The following RPL34 variants were observed in gnomAD, a reference collection of about 807,000 sequenced individuals.
The protein encoded by RPL34 is ribosomal protein L34, also known as large ribosomal subunit protein eL34.
A neutral mutation model predicts 16.3 loss-of-function variants in RPL34; 2 were observed. The ratio of observed to expected loss-of-function variants is 0.12; its 90% CI spans 0.05 to 0.39. RPL34 has a LOEUF of 0.39. Ranked by LOEUF, RPL34 falls within the 10% of genes least tolerant of loss-of-function variation. The pLI, the probability that RPL34 is intolerant of heterozygous loss-of-function variation, is 0.99. For missense variants in RPL34, 82 were observed against 148.8 expected (o/e 0.55, Z 2.33); for synonymous variants, 47 against 48.5 (o/e 0.97, Z 0.13).
chr4:108,622,163 C>G lies in RPL34; in HGVS notation c.124C>G (p.Pro42Ala), dbSNP rs748376623. The G allele has an allele frequency of 6.2e-7, 1 of 1,613,286 alleles. No homozygotes were observed. The highest frequency in any genetic ancestry group is 1.1e-5 in the South Asian group (1 of 91,080). ...YLYTKKVGKAPKSACGVCPGR... is the reference protein window; with the variant it reads ...YLYTKKVGKAAKSACGVCPGR... ...TTATACCAAGAAGGTTGGGAAAGCA[C>G]CAAAATCTGCATGTGGTGTGTGCCC... The change falls in exon 3 of 5, where the codon CCA (proline) becomes GCA (alanine). Residue 42 changes from proline to alanine, a missense_variant. Transcript: ENST00000394667.
downstream of RPL34, among the ~76,000 whole-genome samples, chr4:108,629,309 A>G (rs1232131248): frequency 2.0e-5 from 3 of 152,232 alleles, no homozygotes; most frequent in African/African-American, 7.2e-5. Flanking sequence ...TATGAAATTT[A>G]CATGCTATAA....
At chr4:108,629,504 ACT>A (rs1726113592), downstream of RPL34, among the ~76,000 whole-genome samples, 1 of 152,224 alleles carries the variant, frequency 6.6e-6, no homozygotes, top group Non-Finnish European at 1.5e-5. Flanking sequence ...CATAGTAACG[ACT>A]CTGTCCAAGT....
At chr4:108,624,213 G>A (rs1411034890) in intron 4 of RPL34, among the ~76,000 whole-genome samples, 1 of 152,216 alleles carries the variant, frequency 6.6e-6, no homozygotes, top group Admixed American at 6.5e-5. Context: ...TAGCTGTGAT[G>A]CTGAGCAGGT....
At chr4:108,630,087 T>C (rs959609050), downstream of RPL34, 1 of 152,194 alleles carries the variant, frequency 6.6e-6, no homozygotes, top group Non-Finnish European at 1.5e-5. Context: ...GTTGTGTGCA[T>C]CTCTTTCCAG....
At chr4:108,622,365 C>G (rs1444109782) in intron 3 of RPL34, 150 bp from the exon 4 acceptor site, 1 of 808,836 alleles carries the variant, frequency 1.2e-6, no homozygotes, top group Admixed American at 2.4e-5. Context: ...CTTTTTAAAC[C>G]AATCTGAGAA....
At chr4:108,621,812 A>G (rs1457990204) in intron 1 of RPL34, 139 bp from the exon 2 acceptor site, 2 of 634,494 alleles carry the variant, frequency 3.2e-6, no homozygotes, top group Non-Finnish European at 5.6e-6. Context: ...TAGTTTTAAA[A>G]TGTGGAATAA....
intron 4 of RPL34, among the ~76,000 whole-genome samples, chr4:108,623,795 A>AT (rs2110365056): frequency 6.6e-6 from 1 of 152,368 alleles, no homozygotes; most frequent in South Asian, 2.1e-4. Context: ...ACAGTAGGAG[A>AT]TACTACATTA....
intron 1 of RPL34, 90 bp from the exon 2 acceptor site, chr4:108,621,861 A>G (rs1560612240): frequency 2.4e-6 from 2 of 829,950 alleles, no homozygotes; most frequent in East Asian, 4.9e-5. Flanking sequence ...AAGGATATGT[A>G]TGTGAATGAA....
chr4:108,626,434 G>A (rs922368913), downstream of RPL34, among the ~76,000 whole-genome samples: 2 of 146,548 alleles, frequency 1.4e-5, no homozygotes, highest in African/African-American at 5.0e-5. Context: ...TGCCCAACCT[G>A]TTGGCTGACA....
Position 108,621,975 on chromosome 4 carries a change from A to G in RPL34, c.16A>G (p.Thr6Ala). 6.4e-7 allele frequency: 1 copy of G among 1,574,492 alleles called. No individual in the cohort carries two copies. The highest frequency in any genetic ancestry group is 1.1e-5 in the South Asian group (1 of 90,282). MVQRL[T>A]YRRRLSYNTA... The stretch of plus-strand genomic sequence containing the variant: ...GGCACTCAGAATGGTCCAGCGTTTG[A>G]CATACCGACGTAGGCTTTCCTACAA... Residue 6 changes from threonine (T) to alanine (A), a missense_variant, in exon 2 of 5, where the codon ACA becomes GCA. Physicochemically the swap from Thr to Ala is moderately conservative, Grantham distance 58. Coordinates refer to ENST00000394667, the MANE Select transcript of RPL34 (RefSeq NM_001319236.2).
At chr4:108,627,885 C>T (rs1726068568), downstream of RPL34, among the ~76,000 whole-genome samples, 1 of 151,988 alleles carries the variant, frequency 6.6e-6, no homozygotes, top group African/African-American at 2.4e-5. Flanking sequence ...TAATTTTAAC[C>T]ACAGTACACT....
At chr4:108,628,829 A>G (rs576873683), downstream of RPL34, among the ~76,000 whole-genome samples, 4 of 152,120 alleles carry the variant, frequency 2.6e-5, no homozygotes, top group East Asian at 7.7e-4. Flanking sequence ...TACTATTATT[A>G]TTATTATTTT....
chr4:108,624,704 T>A (rs1438329528), intron 4 of RPL34, among the ~76,000 whole-genome samples: 1 of 152,234 alleles, frequency 6.6e-6, no homozygotes, highest in East Asian at 1.9e-4. Context: ...GAGGTGTCTC[T>A]TGCTAATATC....
intron 1 of RPL34, chr4:108,621,008 C>T (rs1420282681): frequency 6.6e-6 from 1 of 152,220 alleles, no homozygotes; most frequent in Non-Finnish European, 1.5e-5. Context: ...CGCTATTTGG[C>T]TTCTGCGTCC....
In RPL34 at chr4:108,622,523, T is replaced by C. The variant is rs1725827611; in HGVS notation, c.174T>C (p.Ala58=). The change falls in exon 4 of 5, where the codon GCT becomes GCC. Residue 58 remains alanine, a synonymous_variant. Transcript: ENST00000394667. ...ATATTTTTCTTATGCAGGTTCGTGC[T>C]GTAAGACCTAAAGTTCTTATGAGAT... ...VCPGRLRGVR[A]VRPKVLMRLS... 1.9e-6 allele frequency: 3 copies of C among 1,607,952 alleles called. No homozygotes were observed. Among genetic ancestry groups the C allele is most frequent in the South Asian group, 1.1e-5 (1 of 90,336 alleles).
chr4:108,622,671 A>G (rs376945112), intron 4 of RPL34, 53 bp downstream of exon 4: 2 of 1,141,592 alleles, frequency 1.8e-6, no homozygotes, highest in African/African-American at 3.1e-5. Flanking sequence ...TGTGTGTTAT[A>G]CTGTCTGCTG....
chr4:108,630,440 G>A (rs762564316), downstream of RPL34: 1 of 152,154 alleles, frequency 6.6e-6, no homozygotes, highest in Non-Finnish European at 1.5e-5. Flanking sequence ...CCAGTTCTCT[G>A]TATGAATGGA....
Position 108,625,267 on chromosome 4 carries a change from T to C in RPL34, c.*55T>C. On this transcript the variant is annotated 3_prime_UTR_variant, in exon 5 of 5. Coordinates refer to ENST00000394667, the MANE Select transcript of RPL34 (RefSeq NM_001319236.2). ...TGAAAAGACGCTGTATGTATGACTT[T>C]TTTTTTTTCTGTTGTAATGTGTTAG... is the stretch of plus-strand genomic sequence containing the variant. 9.4e-7 allele frequency: 1 copy of C among 1,063,518 alleles called. No individual in the cohort carries two copies. Among genetic ancestry groups the C allele is most frequent in the South Asian group, 1.4e-5 (1 of 70,044 alleles). The allele number at this position is 1,063,518 out of a possible 1,614,324, so 65.9% of individuals were successfully genotyped here.
In RPL34 at chr4:108,621,974, G is replaced by T; in HGVS notation, c.15G>T (p.Leu5Phe). 6.2e-7 allele frequency: 1 copy of T among 1,612,064 alleles called. No homozygotes were observed. The highest frequency in any genetic ancestry group is 1.1e-5 in the South Asian group (1 of 90,974). Reference protein sequence around the residue: MVQRLTYRRRLSYNT... With the variant: MVQRFTYRRRLSYNT... ...AGGCACTCAGAATGGTCCAGCGTTTGACATACCGACGTAGGCTTTCCTACA... is the reference window on the plus strand; with the variant it reads ...AGGCACTCAGAATGGTCCAGCGTTTTACATACCGACGTAGGCTTTCCTACA... The change falls in exon 2 of 5, where the codon TTG becomes TTT. Residue 5 changes from leucine (L) to phenylalanine (F), a missense_variant. Physicochemically the swap from Leu to Phe is conservative, Grantham distance 22. Coordinates refer to ENST00000394667, the MANE Select transcript of RPL34 (RefSeq NM_001319236.2).
Sources: gnomAD v4.1 joint callset for allele counts (sites outside exome capture counted in the v4.1 genomes callset) on GRCh38, gnomAD v4.1.1 for gene constraint, MANE v1.5 for transcripts, NCBI Gene and HGNC (gene_info 2026-07-23, HGNC 2026-07-21) for gene names.